Variants in PCYT1A observed in about 807,000 individuals in gnomAD.
PCYT1A encodes the protein phosphate cytidylyltransferase 1A, choline, also known as choline-phosphate cytidylyltransferase A.
In PCYT1A, 25 loss-of-function variants were observed where a neutral mutation model predicts 43.7. That is an observed-to-expected ratio of 0.57 (90% CI 0.42 to 0.80). The LOEUF (loss-of-function observed/expected upper bound fraction) is 0.80. Ranked by LOEUF, PCYT1A falls within the 30% of genes least tolerant of loss-of-function variation. The pLI is 0.00. For missense variants in PCYT1A, 421 were observed against 474.2 expected (o/e 0.89, Z 1.04); for synonymous variants, 172 against 170.7 (o/e 1.01, Z -0.06).
intron 1 of PCYT1A, among the ~76,000 whole-genome samples, chr3:196,280,255 G>A (rs981441219): frequency 6.6e-6 from 1 of 152,092 alleles, no homozygotes; most frequent in African/African-American, 2.4e-5. Flanking sequence ...TATCCACAGG[G>A]GAAATGTTTC....
intron 3 of PCYT1A, among the ~76,000 whole-genome samples, chr3:196,255,738 T>G (rs1724931499): frequency 6.6e-6 from 1 of 152,174 alleles, no homozygotes; most frequent in Admixed American, 6.5e-5. Flanking sequence ...AGTACACATA[T>G]TTTCAAATTT....
chr3:196,253,458 G>A (rs1577362005), intron 3 of PCYT1A, among the ~76,000 whole-genome samples: 2 of 152,214 alleles, frequency 1.3e-5, no homozygotes, highest in Non-Finnish European at 2.9e-5. Flanking sequence ...TGAAACACAA[G>A]GGATAGAATA....
Position 196,242,943 on chromosome 3 carries a change from G to T in PCYT1A, c.487-303C>A. 2.8e-6 allele frequency: 1 copy of T among 358,950 alleles called. No individual in the cohort carries two copies. The allele number at this position is 358,950 out of a possible 1,614,324, so 22.2% of individuals were successfully genotyped here. A position where few individuals can be genotyped will look rare whatever the true frequency, so the allele number is the denominator to read the frequency against. On this transcript the variant is annotated intron_variant, in intron 5 of 8. Coordinates refer to ENST00000431016, the MANE Select transcript of PCYT1A (RefSeq NM_001312673.2). This position sits in a 1 kb window ranked among gnomAD's most constrained non-coding sequence, Gnocchi z 4.2. ...TGTGGTCAATAGGGCCAGAGGGTTT[G>T]CTGGTGAACCGGTTAGTGGGTGGAG...
At position 196,247,405 on chromosome 3, in the gene PCYT1A, G is replaced by C. The variant is rs587777190; in HGVS notation, c.448C>G (p.Pro150Ala). ...AGGAACTCGGGTGTCAGCGTCCAGG[G>C]CGCATTCCTCACCACCTCATCCACG... ...RYVDEVVRNA[P>A]WTLTPEFLAE... is the part of the protein sequence containing the mutation. Residue 150 changes from proline (P) to alanine (A), a missense_variant, in exon 5 of 9, where the codon CCC becomes GCC. Coordinates refer to ENST00000431016, the MANE Select transcript of PCYT1A (RefSeq NM_001312673.2). This position sits in a 1 kb window ranked among gnomAD's most constrained non-coding sequence, Gnocchi z 4.8. 1.9e-6 allele frequency: 3 copies of C among 1,614,178 alleles called. No individual in the cohort carries two copies. The highest frequency in any genetic ancestry group is 1.7e-6 in the Non-Finnish European group (2 of 1,180,034).
intron 1 of PCYT1A, among the ~76,000 whole-genome samples, chr3:196,279,752 T>A (rs1317501980): frequency 6.6e-6 from 1 of 151,406 alleles, no homozygotes; most frequent in East Asian, 1.9e-4. Context: ...ATCTAGGTGC[T>A]GGCATGTCTA....
rs1724810978 is a variant in PCYT1A, at chr3:196,252,054, G to A, written c.218-3731C>T. Among the ~76,000 whole-genome samples, 1 of 150,382 alleles carries A rather than the reference G, an allele frequency of 6.6e-6. No homozygotes were observed. Among genetic ancestry groups the A allele is most frequent in the East Asian group, 2.0e-4 (1 of 5,042 alleles). On this transcript the variant is annotated intron_variant, in intron 3 of 8. Coordinates refer to ENST00000431016, the MANE Select transcript of PCYT1A (RefSeq NM_001312673.2). This position sits in a 1 kb window ranked among gnomAD's most constrained non-coding sequence, Gnocchi z 4.0. ...CCTCCCGAGAAGCTGGGACTACAGCGCACACCACCACGCCCCGCTGACTAC... is the reference window on the plus strand; with the variant it reads ...CCTCCCGAGAAGCTGGGACTACAGCACACACCACCACGCCCCGCTGACTAC...
Position 196,234,753 on chromosome 3 carries a change from T to C in PCYT1A, c.*3935A>G, listed in dbSNP as rs1560157228. The C allele has an allele frequency of 1.3e-5, 2 of 152,232 alleles. No homozygotes were observed. Among genetic ancestry groups the C allele is most frequent in the Non-Finnish European group, 2.9e-5 (2 of 68,044 alleles). 9.4% of individuals were successfully genotyped at this position (152,232 alleles called of 1,614,324 possible). A position where few individuals can be genotyped will look rare whatever the true frequency, so the allele number is the denominator to read the frequency against. ...CATAAAATCTTGGCAGACAACAATCTTTCTTCTTCAAGAAAATTAACATTT... is the reference window on the plus strand; with the variant it reads ...CATAAAATCTTGGCAGACAACAATCCTTCTTCTTCAAGAAAATTAACATTT... On this transcript the variant is annotated 3_prime_UTR_variant, in exon 9 of 9. Coordinates refer to ENST00000431016, the MANE Select transcript of PCYT1A (RefSeq NM_001312673.2).
At position 196,273,617 on chromosome 3, in the gene PCYT1A, C is replaced by T. The variant is rs1256901974; in HGVS notation, c.-10-3076G>A. Among the ~76,000 whole-genome samples the T allele has an allele frequency of 6.6e-6, 1 of 150,768 alleles. No homozygotes were observed. Among genetic ancestry groups the T allele is most frequent in the Non-Finnish European group, 1.5e-5 (1 of 68,012 alleles). On this transcript the variant is annotated intron_variant, in intron 1 of 8. Transcript: ENST00000431016. The surrounding 1 kb of genome is among the most constrained non-coding windows in gnomAD (Gnocchi z 4.1). ...CCTATCTGCAGGCAGGTCATCCTGACGTCTCTGCAGCCCTCAGTGGAGAGG... is the reference window on the plus strand; with the variant it reads ...CCTATCTGCAGGCAGGTCATCCTGATGTCTCTGCAGCCCTCAGTGGAGAGG...
At position 196,248,364 on chromosome 3, in the gene PCYT1A, T is replaced by C. The variant is rs747453156; in HGVS notation, c.218-41A>G. On this transcript the variant is annotated intron_variant, in intron 3 of 8. Transcript: ENST00000431016. The stretch of plus-strand genomic sequence containing the variant: ...AGAATTGATCACAAAAATACCTTTT[T>C]TTTTGTCATTTTTATTTTTATTTTT... The C allele has an allele frequency of 2.5e-6, 3 of 1,197,676 alleles. 1 individual carries two copies. The South Asian group carries it at 3.6e-5, about 15-fold the overall frequency. 74.2% of individuals were successfully genotyped at this position (1,197,676 alleles called of 1,614,324 possible).
chr3:196,257,065 A>C (rs1577363953), intron 3 of PCYT1A, among the ~76,000 whole-genome samples: 1 of 152,332 alleles, frequency 6.6e-6, no homozygotes, highest in Middle Eastern at 3.4e-3. Context: ...GATTGGAAAA[A>C]AAGGGAGAAT....
At chr3:196,262,612 C>T (rs1725147653) in intron 2 of PCYT1A, among the ~76,000 whole-genome samples, 1 of 152,114 alleles carries the variant, frequency 6.6e-6, no homozygotes, top group Non-Finnish European at 1.5e-5. Flanking sequence ...AATATTGCTT[C>T]CATAACAACT....
Position 196,247,625 on chromosome 3 carries a change from T to C in PCYT1A, c.335-107A>G. 9.0e-7 allele frequency: 1 copy of C among 1,114,020 alleles called. No individual in the cohort carries two copies. Among genetic ancestry groups the C allele is most frequent in the Non-Finnish European group, 1.4e-6 (1 of 736,364 alleles). 69.0% of individuals were successfully genotyped at this position (1,114,020 alleles called of 1,614,324 possible). A position where few individuals can be genotyped will look rare whatever the true frequency, so the allele number is the denominator to read the frequency against. ...CCACTGCTTAGGACTGCAACCATCT[T>C]CCCCAACTGGAAAAAAGTCTTCTAA... On this transcript the variant is annotated intron_variant, in intron 4 of 8. Coordinates refer to ENST00000431016, the MANE Select transcript of PCYT1A (RefSeq NM_001312673.2). The surrounding 1 kb of genome is among the most constrained non-coding windows in gnomAD (Gnocchi z 4.8).
chr3:196,286,650 C>T (rs1725921889), intron 1 of PCYT1A, among the ~76,000 whole-genome samples: 1 of 152,206 alleles, frequency 6.6e-6, no homozygotes, highest in South Asian at 2.1e-4. Context: ...CGCGGTGGCT[C>T]ACACTGTAAT....
chr3:196,238,733 C>G lies in PCYT1A; in HGVS notation c.1059G>C (p.Arg353Ser). 1 of 1,591,738 alleles carries G rather than the reference C, an allele frequency of 6.3e-7. No individual in the cohort carries two copies. Among genetic ancestry groups the G allele is most frequent in the Non-Finnish European group, 8.5e-7 (1 of 1,170,064 alleles). ...SPPCSPANLS[R>S]HKAAAYDISE... ...TGATATCATAGGCTGCAGCCTTGTG[C>G]CTGGAGAGATTTGCTGGGGAGCAAG... Residue 353 changes from arginine to serine, a missense_variant, in exon 9 of 9, where the codon AGG (arginine) becomes AGC (serine). Physicochemically the swap from Arg to Ser is moderately radical, Grantham distance 110 (BLOSUM62 -1). This residue lies in a region of PCYT1A where 108 missense variants were observed against 85.7 expected (regional missense o/e 1.26). Coordinates refer to ENST00000431016, the MANE Select transcript of PCYT1A (RefSeq NM_001312673.2).
rs1193130365 is a variant in PCYT1A at position 196,242,168 on chromosome 3, G to A, written c.566-78C>T. The A allele has an allele frequency of 1.3e-5, 18 of 1,398,738 alleles. No homozygotes were observed. The highest frequency in any genetic ancestry group is 1.8e-5 in the Non-Finnish European group (18 of 993,210). 86.6% of individuals were successfully genotyped at this position (1,398,738 alleles called of 1,614,324 possible). Reference sequence around the variant, plus strand: ...TATTAAGACTAAATGGAAATTGGGGGCAACATTCCTTTCCTTTCCTCAAAA... The same window carrying A: ...TATTAAGACTAAATGGAAATTGGGGACAACATTCCTTTCCTTTCCTCAAAA... On this transcript the variant is annotated intron_variant, in intron 6 of 8. Transcript: ENST00000431016. This position sits in a 1 kb window ranked among gnomAD's most constrained non-coding sequence, Gnocchi z 4.2.
intron 1 of PCYT1A, among the ~76,000 whole-genome samples, chr3:196,280,580 T>TTTG (rs1553837281): frequency 6.7e-6 from 1 of 148,468 alleles, no homozygotes; most frequent in Non-Finnish European, 1.5e-5. Flanking sequence ...GTTTTTTTTT[T>TTTG]TTTTTTTTTC....
chr3:196,255,398 T>G (rs941418582), intron 3 of PCYT1A, among the ~76,000 whole-genome samples: 1 of 152,228 alleles, frequency 6.6e-6, no homozygotes, highest in Non-Finnish European at 1.5e-5. Flanking sequence ...TTGGTTACTA[T>G]GGACCTTAAT....
At chr3:196,241,770 A>T in intron 7 of PCYT1A, 178 bp downstream of exon 7, 1 of 1,192,864 alleles carries the variant, frequency 8.4e-7, no homozygotes, top group Non-Finnish European at 1.2e-6. Flanking sequence ...CCAGACCGTA[A>T]CGGCAGAAAC....
chr3:196,269,172 T>C (rs939328055), intron 2 of PCYT1A, among the ~76,000 whole-genome samples: 1 of 152,238 alleles, frequency 6.6e-6, no homozygotes, highest in Admixed American at 6.5e-5. Context: ...ATTTGTATTA[T>C]GGTAATTTGT....
Sources: gnomAD v4.1 joint callset for allele counts (sites outside exome capture counted in the v4.1 genomes callset) on GRCh38, gnomAD v4.1.1 for gene constraint, gnomAD v4.1.1 regional missense constraint, Gnocchi (gnomAD v3.1) non-coding constraint, MANE v1.5 for transcripts, NCBI Gene and HGNC (gene_info 2026-07-23, HGNC 2026-07-21) for gene names.